The following CTNNA3 variants were observed in gnomAD, a reference collection of about 807,000 sequenced individuals.
CTNNA3 encodes catenin alpha-3.
CTNNA3 carries 76 observed loss-of-function variants against 95.7 expected under a neutral mutation model. The ratio of observed to expected loss-of-function variants is 0.79; its 90% CI spans 0.66 to 0.96. The LOEUF (loss-of-function observed/expected upper bound fraction) is 0.96, where lower values mean the gene tolerates loss of function less well. Ranked by LOEUF, CTNNA3 falls within the 40% of genes least tolerant of loss-of-function variation. The pLI is 0.00. For missense variants in CTNNA3, 1,191 were observed against 1,089.8 expected (o/e 1.09, Z -1.31); for synonymous variants, 431 against 374.4 (o/e 1.15, Z -1.74).
intron 13 of CTNNA3, among the ~76,000 whole-genome samples, chr10:66,230,553 G>A (rs530489506): frequency 6.6e-6 from 1 of 152,130 alleles, no homozygotes; most frequent in African/African-American, 2.4e-5. Context: ...AGGGATGCCA[G>A]GTTGGTTGGT....
At chr10:66,763,884 G>A (rs977683850) in intron 9 of CTNNA3, among the ~76,000 whole-genome samples, 8 of 152,132 alleles carry the variant, frequency 5.3e-5, no homozygotes, top group South Asian at 2.1e-4. Context: ...TAGCATGTCC[G>A]GACTAGGCCA....
At chr10:66,583,230 G>A (rs551892091) in intron 10 of CTNNA3, among the ~76,000 whole-genome samples, 1 of 151,886 alleles carries the variant, frequency 6.6e-6, no homozygotes, top group East Asian at 1.9e-4. Context: ...TTCTTTGGAT[G>A]TCTGGTAGAA....
chr10:67,681,312 T>A (rs1436197474), intron 1 of CTNNA3, among the ~76,000 whole-genome samples: 1 of 152,092 alleles, frequency 6.6e-6, no homozygotes, highest in Non-Finnish European at 1.5e-5. Flanking sequence ...AAGTAGGGAT[T>A]GGAAAAAATA....
intron 9 of CTNNA3, among the ~76,000 whole-genome samples, chr10:66,725,953 G>A (rs1351452384): frequency 6.6e-6 from 1 of 151,898 alleles, no homozygotes; most frequent in Non-Finnish European, 1.5e-5. Flanking sequence ...TAGTCCTTTA[G>A]GATAACATAT....
At chr10:67,651,027 A>G (rs537345668) in intron 1 of CTNNA3, among the ~76,000 whole-genome samples, 2 of 152,196 alleles carry the variant, frequency 1.3e-5, no homozygotes, top group South Asian at 4.2e-4. Context: ...TAAAACTACA[A>G]TTCTTTTACA....
chr10:67,095,282 T>C (rs1293071487), intron 7 of CTNNA3, among the ~76,000 whole-genome samples: 1 of 151,732 alleles, frequency 6.6e-6, no homozygotes, highest in Admixed American at 6.6e-5. Context: ...GGAAATGATA[T>C]ATGTTAAACA....
chr10:66,166,826 A>G (rs1054537179), intron 13 of CTNNA3, among the ~76,000 whole-genome samples: 1 of 152,212 alleles, frequency 6.6e-6, no homozygotes, highest in Non-Finnish European at 1.5e-5. Flanking sequence ...TGGCAGAAAA[A>G]GAAAAATATT....
At chr10:66,741,556 C>G (rs1335288013) in intron 9 of CTNNA3, among the ~76,000 whole-genome samples, 2 of 152,114 alleles carry the variant, frequency 1.3e-5, no homozygotes, top group African/African-American at 4.8e-5. Context: ...TAAACTAATA[C>G]AATTCACTAC....
intron 9 of CTNNA3, among the ~76,000 whole-genome samples, chr10:66,717,636 T>C (rs1019013911): frequency 2.6e-5 from 4 of 152,084 alleles, no homozygotes; most frequent in African/African-American, 9.7e-5. Context: ...AATCAAACAA[T>C]GTGGACGTAG....
At chr10:67,065,388 G>A (rs1343713478) in intron 7 of CTNNA3, among the ~76,000 whole-genome samples, 1 of 152,052 alleles carries the variant, frequency 6.6e-6, no homozygotes, top group Non-Finnish European at 1.5e-5. Context: ...AAAGGTATAA[G>A]GGCATTGATT....
intron 11 of CTNNA3, among the ~76,000 whole-genome samples, chr10:66,452,990 C>T (rs530579847): frequency 2.0e-4 from 31 of 152,038 alleles, no homozygotes; most frequent in Non-Finnish European, 3.7e-4. Flanking sequence ...CTGAGGCAGG[C>T]GGATCACGGG....
intron 7 of CTNNA3, 108 bp downstream of exon 7, chr10:67,180,209 C>T (rs568067754): frequency 1.1e-6 from 1 of 940,894 alleles, no homozygotes; most frequent in Non-Finnish European, 1.7e-6. Context: ...TGTAAAATCA[C>T]ATACTCATTT....
chr10:66,538,756 T>C (rs986957721), intron 10 of CTNNA3, among the ~76,000 whole-genome samples: 20 of 152,166 alleles, frequency 1.3e-4, no homozygotes, highest in Non-Finnish European at 2.8e-4. Flanking sequence ...AAAGAAAAGA[T>C]AAATGTCTTC....
intron 5 of CTNNA3, among the ~76,000 whole-genome samples, chr10:67,476,179 A>G (rs1848002378): frequency 6.6e-6 from 1 of 152,170 alleles, no homozygotes; most frequent in Admixed American, 6.5e-5. Flanking sequence ...TTGCTCACCC[A>G]GACTGCAGCC....
intron 12 of CTNNA3, among the ~76,000 whole-genome samples, chr10:66,357,141 A>C (rs945755487): frequency 2.0e-5 from 3 of 152,090 alleles, no homozygotes; most frequent in Admixed American, 6.6e-5. Flanking sequence ...GAAGTGTTCC[A>C]TCTTTTTAAT....
intron 13 of CTNNA3, among the ~76,000 whole-genome samples, chr10:66,193,191 A>G (rs2086774346): frequency 6.6e-6 from 1 of 152,200 alleles, no homozygotes; most frequent in Non-Finnish European, 1.5e-5. Flanking sequence ...AAGAGATACA[A>G]TTAATCAAAT....
chr10:66,572,837 A>G (rs1396294389), intron 10 of CTNNA3, among the ~76,000 whole-genome samples: 1 of 152,152 alleles, frequency 6.6e-6, no homozygotes, highest in Non-Finnish European at 1.5e-5. Context: ...TCTTCTGTGC[A>G]ATGCTTTACC....
At chr10:67,029,373 C>A (rs972233676) in intron 7 of CTNNA3, among the ~76,000 whole-genome samples, 6 of 152,052 alleles carry the variant, frequency 3.9e-5, no homozygotes, top group African/African-American at 1.4e-4. Context: ...TGGTTCAGAG[C>A]AGGTTGATTG....
At chr10:67,521,781 G>T in intron 5 of CTNNA3, 61 bp downstream of exon 5, 1 of 1,567,964 alleles carries the variant, frequency 6.4e-7, no homozygotes, top group South Asian at 1.2e-5. Context: ...CCTCTGACAG[G>T]CAGGATGGCA....
Sources: gnomAD v4.1 joint callset for allele counts (sites outside exome capture counted in the v4.1 genomes callset) on GRCh38, gnomAD v4.1.1 for gene constraint, MANE v1.5 for transcripts, NCBI Gene and HGNC (gene_info 2026-07-23, HGNC 2026-07-21) for gene names.